The following FAR2 variants were observed in gnomAD, a reference collection of about 807,000 sequenced individuals.
The protein encoded by FAR2 is fatty acyl-CoA reductase 2.
FAR2 carries 19 observed loss-of-function variants against 56.0 expected under a neutral mutation model. The observed-to-expected ratio is 0.34, with a 90% confidence interval of 0.24 to 0.50. The LOEUF (loss-of-function observed/expected upper bound fraction) is 0.50, where lower values mean the gene tolerates loss of function less well. Among genes scored for constraint, FAR2 ranks in the 20% least tolerant of loss-of-function variants. The probability of loss-of-function intolerance (pLI) is 0.98; values close to 1 mark genes in which losing one functional copy is unlikely to be tolerated. For missense variants in FAR2, 508 were observed against 642.2 expected (o/e 0.79, Z 2.26); for synonymous variants, 219 against 218.8 (o/e 1.00, Z -0.01).
chr12:29,325,937 C>T (rs1398699385), intron 10 of FAR2, among the ~76,000 whole-genome samples: 1 of 151,996 alleles, frequency 6.6e-6, no homozygotes. Context: ...CCAAAAAAAC[C>T]CTTCAAAAAA....
chr12:29,330,115 G>T (rs920604749), intron 10 of FAR2, among the ~76,000 whole-genome samples: 9 of 144,368 alleles, frequency 6.2e-5, no homozygotes, highest in African/African-American at 1.8e-4. Context: ...GGAGTGCAGT[G>T]GCAAGATCTT....
At chr12:29,199,428 T>C (rs1426292552) in intron 1 of FAR2, among the ~76,000 whole-genome samples, 1 of 151,282 alleles carries the variant, frequency 6.6e-6, no homozygotes. Context: ...TGAAGCCCCG[T>C]CTCTACTAAA....
At chr12:29,154,624 G>A (rs965496084) in intron 1 of FAR2, among the ~76,000 whole-genome samples, 28 of 152,004 alleles carry the variant, frequency 1.8e-4, no homozygotes, top group Middle Eastern at 3.4e-3. Context: ...TAGTAGAGAC[G>A]GGGTTTCACC....
chr12:29,329,920 G>A (rs1030736072), intron 10 of FAR2, among the ~76,000 whole-genome samples: 4 of 152,142 alleles, frequency 2.6e-5, no homozygotes, highest in East Asian at 1.9e-4. Context: ...CTAAGTTGCT[G>A]TAGTTAATTT....
chr12:29,238,719 T>C (rs1211983235), intron 1 of FAR2, among the ~76,000 whole-genome samples: 1 of 152,216 alleles, frequency 6.6e-6, no homozygotes, highest in Admixed American at 6.5e-5. Flanking sequence ...TGTTGTTTAT[T>C]GATCAAAATA....
At chr12:29,328,347 C>T (rs1314108697) in intron 10 of FAR2, among the ~76,000 whole-genome samples, 9 of 152,122 alleles carry the variant, frequency 5.9e-5, no homozygotes, top group Non-Finnish European at 1.2e-4. Flanking sequence ...GTTGGTGTGG[C>T]GATTCCTCAG....
At chr12:29,240,803 T>A (rs80294116) in intron 1 of FAR2, among the ~76,000 whole-genome samples, 46 of 21,884 alleles carry the variant, frequency 2.1e-3, no homozygotes, top group African/African-American at 7.9e-3. Context: ...GTATGTATAT[T>A]TTTTTTTATA....
chr12:29,270,015 C>T (rs2136706269), intron 1 of FAR2, among the ~76,000 whole-genome samples: 1 of 152,354 alleles, frequency 6.6e-6, no homozygotes, highest in East Asian at 1.9e-4. Flanking sequence ...TCTCTGCCTT[C>T]CAAGCTTCAG....
chr12:29,171,537 G>C (rs1014212079), intron 1 of FAR2: 3 of 148,604 alleles, frequency 2.0e-5, no homozygotes, highest in Non-Finnish European at 3.0e-5. Context: ...GCTGCCCACT[G>C]TCTGGGATGT....
intron 1 of FAR2, among the ~76,000 whole-genome samples, chr12:29,267,783 T>A (rs1948543609): frequency 6.6e-6 from 1 of 152,252 alleles, no homozygotes; most frequent in South Asian, 2.1e-4. Flanking sequence ...GCTAATGTGA[T>A]TTGAAATCCA....
At chr12:29,154,626 G>A (rs1463005709) in intron 1 of FAR2, among the ~76,000 whole-genome samples, 1 of 151,970 alleles carries the variant, frequency 6.6e-6, no homozygotes, top group Non-Finnish European at 1.5e-5. Context: ...GTAGAGACGG[G>A]GTTTCACCGT....
rs182677537 is a variant in FAR2, at chr12:29,173,476, G to T, written c.-39+24069G>T. On this transcript the variant is annotated intron_variant, in intron 1 of 11. Coordinates refer to ENST00000536681, the MANE Select transcript of FAR2 (RefSeq NM_001271783.2). ...AATGAAAGGAAAGCTTGGACATAAGGTATTTCACTCCATTTACCTTCCCTC... is the reference window on the plus strand; with the variant it reads ...AATGAAAGGAAAGCTTGGACATAAGTTATTTCACTCCATTTACCTTCCCTC... Among the ~76,000 whole-genome samples the T allele has an allele frequency of 2.4e-3, 371 of 152,226 alleles. 2 individuals are homozygous for T. In the Middle Eastern group the frequency reaches 0.031, roughly 13 times the overall value.
intron 1 of FAR2, among the ~76,000 whole-genome samples, chr12:29,177,941 T>G (rs1005372706): frequency 2.6e-5 from 4 of 151,940 alleles, no homozygotes; most frequent in Admixed American, 2.0e-4. Context: ...CAAAAAGAAG[T>G]AAGGAAAATT....
At chr12:29,245,331 A>G (rs1948110692) in intron 1 of FAR2, among the ~76,000 whole-genome samples, 1 of 152,198 alleles carries the variant, frequency 6.6e-6, no homozygotes, top group African/African-American at 2.4e-5. Context: ...CTTACTTTAC[A>G]AATGAGGAAA....
chr12:29,322,480 C>G (rs1430289166), intron 10 of FAR2, among the ~76,000 whole-genome samples: 1 of 152,184 alleles, frequency 6.6e-6, no homozygotes, highest in Non-Finnish European at 1.5e-5. Flanking sequence ...TAGGATTTCT[C>G]TACAACAGTT....
rs147973772 is a variant in FAR2 at position 29,265,205 on chromosome 12, C to T, written c.-38-5207C>T. ...AAAATTTATATGGAACCACAAAAGA[C>T]CCAGATCTGCCAAAGCTATCCTGGG... is the stretch of plus-strand genomic sequence containing the variant. On this transcript the variant is annotated intron_variant, in intron 1 of 11. Coordinates refer to ENST00000536681, the MANE Select transcript of FAR2 (RefSeq NM_001271783.2). Among the ~76,000 whole-genome samples the T allele has an allele frequency of 4.5e-4, 68 of 152,228 alleles. 1 individual carries two copies. The highest frequency in any genetic ancestry group is 1.6e-3 in the African/African-American group (66 of 41,552).
chr12:29,258,749 G>A (rs1008808314), intron 1 of FAR2, among the ~76,000 whole-genome samples: 1 of 152,166 alleles, frequency 6.6e-6, no homozygotes, highest in Non-Finnish European at 1.5e-5. Context: ...TTTTTTCTCA[G>A]CTGACCCTAT....
chr12:29,331,604 T>C (rs1435477763), intron 10 of FAR2: 1 of 152,138 alleles, frequency 6.6e-6, no homozygotes, highest in Non-Finnish European at 1.5e-5. Flanking sequence ...CTATTTTTTC[T>C]AATATATTTG....
At chr12:29,222,254 C>T (rs10843347) in intron 1 of FAR2, among the ~76,000 whole-genome samples, 2 of 152,138 alleles carry the variant, frequency 1.3e-5, no homozygotes, top group Admixed American at 1.3e-4. Flanking sequence ...GAACTTGTCC[C>T]CATTGCCTTG....
Sources: allele counts gnomAD v4.1 joint callset (sites outside exome capture counted in the v4.1 genomes callset), GRCh38; gene constraint gnomAD v4.1.1; transcripts MANE v1.5; gene names NCBI Gene and HGNC (gene_info 2026-07-23, HGNC 2026-07-21).